The following ASB15 variants were observed in gnomAD, a reference collection of about 807,000 sequenced individuals.
ASB15 encodes ankyrin repeat and SOCS box protein 15.
A neutral mutation model predicts 58.0 loss-of-function variants in ASB15; 54 were observed. The ratio of observed to expected loss-of-function variants is 0.93; its 90% CI spans 0.75 to 1.17. The LOEUF is 1.17. Among genes scored for constraint, ASB15 ranks in the 50% most tolerant of loss-of-function variants. The pLI is 0.00. For synonymous variants in ASB15, 249 were observed against 262.4 expected, an observed-to-expected ratio of 0.95 and a Z score of 0.50; for missense variants, 680 against 707.4, an observed-to-expected ratio of 0.96 and a Z score of 0.44.
At chr7:123,593,097 G>C (rs1799587424) in intron 1 of ASB15, among the ~76,000 whole-genome samples, 1 of 151,752 alleles carries the variant, frequency 6.6e-6, no homozygotes, top group Non-Finnish European at 1.5e-5. Context: ...TGCAGCCCCT[G>C]CTTTTTTTTT....
rs1374127717 is a variant in ASB15 at position 123,629,057 on chromosome 7, T to C, written c.1063T>C (p.Tyr355His). 3.1e-6 allele frequency: 5 copies of C among 1,613,678 alleles called. No individual in the cohort carries two copies. In the South Asian group the frequency reaches 3.3e-5, roughly 11 times the overall value. Residue 355 changes from tyrosine to histidine, a missense_variant, in exon 10 of 12, where the codon TAT becomes CAT. Physicochemically the swap from Tyr to His is moderately conservative, Grantham distance 83. Coordinates refer to ENST00000451215, the MANE Select transcript of ASB15 (RefSeq NM_001290258.2). ...TGACGATGAGAGGAAGACTGCGCTG[T>C]ATTTTGGCGTTTCTAATAATGACGT... The part of the protein sequence containing the change: ...SYDDERKTAL[Y>H]FGVSNNDVHC...
chr7:123,578,957 A>G (rs1053358200), intron 1 of ASB15, among the ~76,000 whole-genome samples: 5 of 151,972 alleles, frequency 3.3e-5, no homozygotes, highest in African/African-American at 1.2e-4. Flanking sequence ...GGTTTGTTAC[A>G]TGGATATTGT....
chr7:123,595,187 A>G (rs1418549191), intron 1 of ASB15, among the ~76,000 whole-genome samples: 1 of 152,164 alleles, frequency 6.6e-6, no homozygotes, highest in Non-Finnish European at 1.5e-5. Flanking sequence ...GTTTAAAAAT[A>G]AGCCAGATTA....
chr7:123,617,550 C>G (rs377376910), intron 6 of ASB15, 29 bp from the exon 7 acceptor site: 90 of 1,575,062 alleles, frequency 5.7e-5, no homozygotes, highest in Admixed American at 6.9e-5. Context: ...GTATTTTCAA[C>G]TTTTCAACAT....
chr7:123,632,465 T>C (rs1035987277), intron 11 of ASB15, among the ~76,000 whole-genome samples: 9 of 151,710 alleles, frequency 5.9e-5, no homozygotes, highest in African/African-American at 1.7e-4. Flanking sequence ...TTTATTTCAA[T>C]AGGTTTTGGG....
chr7:123,571,097 C>T (rs1162360226), intron 1 of ASB15, among the ~76,000 whole-genome samples: 2 of 152,148 alleles, frequency 1.3e-5, no homozygotes, highest in Non-Finnish European at 1.5e-5. Flanking sequence ...TTTGTTTCCA[C>T]TTGTTTTTAA....
chr7:123,591,309 T>C (rs1185453117), intron 1 of ASB15, among the ~76,000 whole-genome samples: 8 of 152,312 alleles, frequency 5.3e-5, no homozygotes, highest in African/African-American at 1.9e-4. Flanking sequence ...CTTGCCTGAT[T>C]GCCCTGGCCA....
intron 3 of ASB15, among the ~76,000 whole-genome samples, chr7:123,610,420 T>C (rs1029777438): frequency 1.3e-5 from 2 of 152,226 alleles, no homozygotes; most frequent in Non-Finnish European, 2.9e-5. Context: ...ATCAAAAAAT[T>C]TACATGATCA....
chr7:123,597,917 C>CGTGTGTGTGTGTATGTGTGT (rs780183019), upstream of ASB15, among the ~76,000 whole-genome samples: 29 of 133,072 alleles, frequency 2.2e-4, no homozygotes, highest in African/African-American at 5.2e-4. Flanking sequence ...TTTCAAACTT[C>CGTGTGTGTGTGTATGTGTGT]GTGTGTGTGT....
chr7:123,602,921 G>A (rs780118349), intron 1 of ASB15, among the ~76,000 whole-genome samples: 9 of 152,094 alleles, frequency 5.9e-5, no homozygotes, highest in Non-Finnish European at 1.0e-4. Flanking sequence ...AGATATGTGG[G>A]CTTAGGTAAG....
In ASB15 at chr7:123,624,638, G is replaced by C. The variant is rs143956914; in HGVS notation, c.521G>C (p.Cys174Ser). The C allele has an allele frequency of 6.2e-7, 1 of 1,614,018 alleles. No individual in the cohort carries two copies. The highest frequency in any genetic ancestry group is 1.7e-5 in the Admixed American group (1 of 60,022). Residue 174 changes from cysteine to serine, a missense_variant, in exon 8 of 12, where the codon TGT (cysteine) becomes TCT (serine). Physicochemically the swap from Cys to Ser is moderately radical, Grantham distance 112 (BLOSUM62 -1). Transcript: ENST00000451215. ...CATAACACTAGCCTAGACCAGCCCTGTGTCAAGCGATGGTCAGCAATGCAT... is the reference window on the plus strand; with the variant it reads ...CATAACACTAGCCTAGACCAGCCCTCTGTCAAGCGATGGTCAGCAATGCAT... ...IKHNTSLDQP[C>S]VKRWSAMHEA...
rs1802003027 is a variant in ASB15, at chr7:123,629,409, C to T, written c.1415C>T (p.Thr472Ile). The T allele has an allele frequency of 6.2e-7, 1 of 1,610,362 alleles. No individual in the cohort carries two copies. The highest frequency in any genetic ancestry group is 1.1e-5 in the South Asian group (1 of 90,772). Residue 472 changes from threonine to isoleucine, a missense_variant, in exon 10 of 12, where the codon ACA (threonine) becomes ATA (isoleucine). Physicochemically the swap from Thr to Ile is moderately conservative, Grantham distance 89. Transcript: ENST00000451215. Reference protein sequence around the residue: ...EIQEEVLPGWTSCVIKDNPFC... With the variant: ...EIQEEVLPGWISCVIKDNPFC... ...CAGGAAGAGGTGCTGCCAGGATGGA[C>T]ATCTTGTGTAATAAAAGATAACCCG...
rs1367728949 is a variant in ASB15 at position 123,638,377 on chromosome 7, C to T, written c.*1396C>T. The T allele has an allele frequency of 1.3e-5, 2 of 152,118 alleles. No individual in the cohort carries two copies. Among genetic ancestry groups the T allele is most frequent in the East Asian group, 1.9e-4 (1 of 5,194 alleles). The allele number at this position is 152,118 out of a possible 1,614,324, so 9.4% of individuals were successfully genotyped here. A position where few individuals can be genotyped will look rare whatever the true frequency, so the allele number is the denominator to read the frequency against. ...CTTCTAGAATTTTATTTTTTAAACA[C>T]TGATTCCCAGACTTCAAGGTGTCAT... is the stretch of plus-strand genomic sequence containing the variant. On this transcript the variant is annotated 3_prime_UTR_variant, in exon 12 of 12. Transcript: ENST00000451215.
intron 2 of ASB15, among the ~76,000 whole-genome samples, chr7:123,605,834 A>G (rs1800121801): frequency 6.6e-6 from 1 of 152,184 alleles, no homozygotes; most frequent in Non-Finnish European, 1.5e-5. Context: ...ACAGACGCCA[A>G]GACCTACCTG....
intron 9 of ASB15, among the ~76,000 whole-genome samples, chr7:123,628,244 G>A (rs2116642326): frequency 6.6e-6 from 1 of 152,342 alleles, no homozygotes; most frequent in East Asian, 1.9e-4. Flanking sequence ...AGCAGACAGA[G>A]TGTTCATGGT....
At chr7:123,583,981 G>A (rs1237393764) in intron 1 of ASB15, among the ~76,000 whole-genome samples, 1 of 151,882 alleles carries the variant, frequency 6.6e-6, no homozygotes, top group Non-Finnish European at 1.5e-5. Context: ...CCCTTGGCTT[G>A]TATTCTGTCT....
At chr7:123,605,122 T>C (rs1025087276) in intron 2 of ASB15, among the ~76,000 whole-genome samples, 1 of 152,182 alleles carries the variant, frequency 6.6e-6, no homozygotes, top group Non-Finnish European at 1.5e-5. Context: ...GACAGGATTG[T>C]TTGTCATGTT....
chr7:123,590,745 T>G (rs1236955660), intron 1 of ASB15, among the ~76,000 whole-genome samples: 1 of 152,190 alleles, frequency 6.6e-6, no homozygotes. Flanking sequence ...TGCCTCCAAC[T>G]TTGTTCTATT....
rs1223387176 is a variant in ASB15 at position 123,584,261 on chromosome 7, A to G, written c.-443+17173A>G. 2.1e-5 allele frequency among the ~76,000 whole-genome samples: 3 copies of G among 145,866 alleles called. No individual in the cohort carries two copies. The East Asian group carries it at 6.1e-4, about 30-fold the overall frequency. On this transcript the variant is annotated intron_variant, in intron 1 of 13. Transcript: ENST00000451558. Reference sequence around the variant, plus strand: ...CAGGTAATCAAGGCTGCAGTGAGCTATGATCGTGCCACTGCACTCAGCCTG... The same window carrying G: ...CAGGTAATCAAGGCTGCAGTGAGCTGTGATCGTGCCACTGCACTCAGCCTG...
Sources: allele counts gnomAD v4.1 joint callset (sites outside exome capture counted in the v4.1 genomes callset), GRCh38; gene constraint gnomAD v4.1.1; transcripts MANE v1.5; gene names NCBI Gene and HGNC (gene_info 2026-07-23, HGNC 2026-07-21).